MACROD2: variants seen among roughly 807,000 people sequenced by gnomAD.
MACROD2 encodes the protein ADP-ribose glycohydrolase MACROD2.
Under a neutral mutation model 70.4 loss-of-function variants are expected in MACROD2, and 36 were observed. That is an observed-to-expected ratio of 0.51 (90% confidence interval 0.39 to 0.68). MACROD2 has a LOEUF of 0.68. MACROD2 is among the 30% of genes least tolerant of loss of function. The pLI is 0.00. For synonymous variants in MACROD2, 172 were observed against 178.8 expected (o/e 0.96, Z 0.30); for missense variants, 496 against 538.4 (o/e 0.92, Z 0.78).
chr20:15,504,297 C>T (rs764329418), intron 8 of MACROD2, among the ~76,000 whole-genome samples: 8 of 152,230 alleles, frequency 5.3e-5, no homozygotes, highest in East Asian at 1.9e-4. Flanking sequence ...AGGGGAGGAA[C>T]GCTGCTGCAC....
intron 4 of MACROD2, among the ~76,000 whole-genome samples, chr20:14,600,332 A>T (rs1982401321): frequency 7.0e-6 from 1 of 143,604 alleles, no homozygotes; most frequent in Non-Finnish European, 1.5e-5. Context: ...AGCTACATAT[A>T]TATATATATA....
At chr20:15,733,233 T>G (rs2050971320) in intron 8 of MACROD2, among the ~76,000 whole-genome samples, 1 of 152,174 alleles carries the variant, frequency 6.6e-6, no homozygotes, top group African/African-American at 2.4e-5. Context: ...AGTAATTTGT[T>G]CTTTTTTTTC....
At chr20:15,351,283 G>A (rs1265005759) in intron 6 of MACROD2, among the ~76,000 whole-genome samples, 2 of 152,170 alleles carry the variant, frequency 1.3e-5, no homozygotes, top group Non-Finnish European at 2.9e-5. Flanking sequence ...TAGTTTTAGA[G>A]ACAGATAAAC....
Position 15,944,247 on chromosome 20 carries a change from T to G in MACROD2, c.907+6703T>G, listed in dbSNP as rs115890388. ...TTAAAACATTTGTATTACTTACATA[T>G]ATTTTCTTATTTTAAAAGTAATGTG... On this transcript the variant is annotated intron_variant, in intron 12 of 17. Transcript: ENST00000684519. Among the ~76,000 whole-genome samples, 595 of 152,284 alleles carry G rather than the reference T, an allele frequency of 3.9e-3. 5 individuals carry two copies. Among genetic ancestry groups the G allele is most frequent in the African/African-American group, 0.014 (573 of 41,586 alleles).
chr20:15,600,475 A>G (rs1030803263), intron 8 of MACROD2, among the ~76,000 whole-genome samples: 2 of 152,188 alleles, frequency 1.3e-5, no homozygotes, highest in African/African-American at 4.8e-5. Context: ...CCAGGAAGAA[A>G]AGTCCTTCAT....
At chr20:14,804,848 G>A (rs927902524) in intron 5 of MACROD2, among the ~76,000 whole-genome samples, 1 of 151,518 alleles carries the variant, frequency 6.6e-6, no homozygotes, top group Non-Finnish European at 1.5e-5. Flanking sequence ...GAGATGAAGA[G>A]GTGTCCAGGT....
chr20:15,826,565 A>G (rs1232296083), intron 8 of MACROD2, among the ~76,000 whole-genome samples: 1 of 152,214 alleles, frequency 6.6e-6, no homozygotes, highest in Non-Finnish European at 1.5e-5. Flanking sequence ...CATTATTGCT[A>G]TGAAATTATT....
chr20:14,006,958 A>C (rs753532212), intron 2 of MACROD2, among the ~76,000 whole-genome samples: 8 of 152,148 alleles, frequency 5.3e-5, no homozygotes, highest in Non-Finnish European at 8.8e-5. Context: ...ATCACAGGGC[A>C]CATAATGCGT....
chr20:14,721,063 T>C (rs2071462890), intron 5 of MACROD2, among the ~76,000 whole-genome samples: 1 of 151,734 alleles, frequency 6.6e-6, no homozygotes, highest in African/African-American at 2.4e-5. Flanking sequence ...GCGACCAGCC[T>C]GGGCAACACG....
intron 3 of MACROD2, among the ~76,000 whole-genome samples, chr20:14,439,693 A>G (rs2084099423): frequency 6.6e-6 from 1 of 152,190 alleles, no homozygotes. Context: ...GAATTTAATA[A>G]TGTTATTTAC....
intron 8 of MACROD2, among the ~76,000 whole-genome samples, chr20:15,858,492 A>G (rs2147157892): frequency 6.6e-6 from 1 of 152,314 alleles, no homozygotes; most frequent in Non-Finnish European, 1.5e-5. Context: ...GCTTTTCAGT[A>G]GGAGTCAAGT....
intron 3 of MACROD2, chr20:14,323,995 T>C (rs1299352053): frequency 2.6e-5 from 4 of 152,176 alleles, no homozygotes; most frequent in Non-Finnish European, 5.9e-5. Context: ...CCTCAAGATG[T>C]TGATTTTTTA....
In MACROD2 at chr20:14,531,695, C is replaced by T. The variant is rs918400712; in HGVS notation, c.301+38187C>T. On this transcript the variant is annotated intron_variant, in intron 4 of 17. Coordinates refer to ENST00000684519, the MANE Select transcript of MACROD2 (RefSeq NM_001351661.2). The stretch of plus-strand genomic sequence containing the variant: ...AATTTTATAGTTTACCAGATGTTCT[C>T]ATCTATGATTATCAGAGTCAAATGG... 3.9e-5 allele frequency among the ~76,000 whole-genome samples: 6 copies of T among 152,156 alleles called. No individual in the cohort carries two copies. In the South Asian group the frequency reaches 1.2e-3, roughly 32 times the overall value.
intron 4 of MACROD2, among the ~76,000 whole-genome samples, chr20:14,599,010 A>G (rs1354304684): frequency 3.3e-5 from 5 of 152,106 alleles, no homozygotes; most frequent in Admixed American, 3.3e-4. Flanking sequence ...TGATTTATAC[A>G]TTTTGGTGAG....
At chr20:15,246,419 A>G (rs1307311891) in intron 6 of MACROD2, among the ~76,000 whole-genome samples, 1 of 152,228 alleles carries the variant, frequency 6.6e-6, no homozygotes, top group Non-Finnish European at 1.5e-5. Flanking sequence ...TCTTTGTGGT[A>G]TCACAGAAAG....
At chr20:15,639,682 A>G (rs2049425093) in intron 8 of MACROD2, among the ~76,000 whole-genome samples, 1 of 152,152 alleles carries the variant, frequency 6.6e-6, no homozygotes, top group Non-Finnish European at 1.5e-5. Context: ...GTATCTCTCC[A>G]TCAGCAGTGA....
chr20:16,038,760 A>C (rs1330637587), intron 15 of MACROD2, among the ~76,000 whole-genome samples: 1 of 151,950 alleles, frequency 6.6e-6, no homozygotes, highest in Admixed American at 6.6e-5. Context: ...CTGAAATGCC[A>C]GGTAATTTTC....
intron 10 of MACROD2, among the ~76,000 whole-genome samples, chr20:15,918,900 G>A (rs1475145068): frequency 2.0e-5 from 3 of 152,096 alleles, no homozygotes; most frequent in Admixed American, 6.5e-5. Context: ...ACCAATGAGG[G>A]GCTCTGCATG....
intron 8 of MACROD2, among the ~76,000 whole-genome samples, chr20:15,701,492 C>G (rs2050457770): frequency 6.6e-6 from 1 of 152,108 alleles, no homozygotes; most frequent in South Asian, 2.1e-4. Context: ...ATTTCTATAA[C>G]TCTAGCGCAT....
Sources: gnomAD v4.1 joint callset for allele counts (sites outside exome capture counted in the v4.1 genomes callset) on GRCh38, gnomAD v4.1.1 for gene constraint, MANE v1.5 for transcripts, NCBI Gene and HGNC (gene_info 2026-07-23, HGNC 2026-07-21) for gene names.